CYP39A1: variants seen among roughly 807,000 people sequenced by gnomAD.
CYP39A1 encodes cytochrome P450 family 39 subfamily A member 1.
A neutral mutation model predicts 58.1 loss-of-function variants in CYP39A1; 49 were observed. The ratio of observed to expected loss-of-function variants is 0.84; its 90% CI spans 0.67 to 1.07. CYP39A1 has a LOEUF of 1.07. Ranked by LOEUF, CYP39A1 falls within the 50% of genes least tolerant of loss-of-function variation. The probability of loss-of-function intolerance (pLI) is 0.00; values close to 1 mark genes in which losing one functional copy is unlikely to be tolerated. For missense variants in CYP39A1, 531 were observed against 539.4 expected (o/e 0.98, Z 0.16); for synonymous variants, 209 against 187.6 (o/e 1.11, Z -0.93).
At chr6:46,563,750 G>T (rs114924426) in intron 10 of CYP39A1, among the ~76,000 whole-genome samples, 1,835 of 152,230 alleles carry the variant, frequency 0.012, 32 homozygotes, top group African/African-American at 0.042. Flanking sequence ...TTGAGTGAGA[G>T]CATTCCAGAG....
At chr6:46,648,070 TA>T (rs1367222795) in intron 1 of CYP39A1, among the ~76,000 whole-genome samples, 1 of 152,180 alleles carries the variant, frequency 6.6e-6, no homozygotes, top group East Asian at 1.9e-4. Context: ...GGTGGGACTG[TA>T]AACTAGTTCA....
At chr6:46,583,996 A>G (rs1271448235) in intron 10 of CYP39A1, among the ~76,000 whole-genome samples, 1 of 152,226 alleles carries the variant, frequency 6.6e-6, no homozygotes, top group African/African-American at 2.4e-5. Context: ...CCTGGAACAC[A>G]AATCAAGAAC....
intron 7 of CYP39A1, among the ~76,000 whole-genome samples, chr6:46,620,971 T>C (rs901072019): frequency 6.6e-6 from 1 of 152,272 alleles, no homozygotes; most frequent in East Asian, 1.9e-4. Flanking sequence ...GGGAAGAATC[T>C]AATTTCCAAA....
At chr6:46,595,272 A>G (rs1026111458) in intron 8 of CYP39A1, among the ~76,000 whole-genome samples, 2 of 152,160 alleles carry the variant, frequency 1.3e-5, no homozygotes, top group Admixed American at 1.3e-4. Flanking sequence ...AATTAAAAAT[A>G]GAACTACTAT....
In CYP39A1 at chr6:46,592,096, G is replaced by A. The variant is rs562356228; in HGVS notation, c.1065+3891C>T. Among the ~76,000 whole-genome samples, 200 of 152,190 alleles carry A rather than the reference G, an allele frequency of 1.3e-3. 1 individual carries two copies. The highest frequency in any genetic ancestry group is 4.6e-3 in the African/African-American group (191 of 41,536). Reference sequence around the variant, plus strand: ...GGTAGAAGTTTCAGAGTTTTAGAAAGGTAGCATAATAAAGAGAAAGAAAGA... The same window carrying A: ...GGTAGAAGTTTCAGAGTTTTAGAAAAGTAGCATAATAAAGAGAAAGAAAGA... On this transcript the variant is annotated intron_variant, in intron 8 of 11. Coordinates refer to ENST00000275016, the MANE Select transcript of CYP39A1 (RefSeq NM_016593.5).
chr6:46,564,105 T>TA (rs1355408879), intron 10 of CYP39A1, among the ~76,000 whole-genome samples: 1,630 of 108,338 alleles, frequency 0.015, 78 homozygotes, highest in Admixed American at 0.045. Flanking sequence ...TTTTGTATTT[T>TA]TTTTATTTTA....
intron 10 of CYP39A1, among the ~76,000 whole-genome samples, chr6:46,567,364 C>T (rs1368011127): frequency 6.6e-6 from 1 of 151,812 alleles, no homozygotes; most frequent in Non-Finnish European, 1.5e-5. Flanking sequence ...CTTTTTTATC[C>T]ATTTATCAAT....
rs1230777447 is a variant in CYP39A1 at position 46,587,088 on chromosome 6, C to G, written c.1239G>C (p.Gln413His). ...GCTGTCTCACTGACCTTGCAGGACA[C>G]TGGAACTTCCCGCTTCCAAATGCCA... ...CFMAFGSGKFQCPARWFALLE... is the reference protein window; with the variant it reads ...CFMAFGSGKFHCPARWFALLE... The change falls in exon 10 of 12, where the codon CAG (glutamine) becomes CAC (histidine). Residue 413 changes from glutamine to histidine, a missense_variant. Transcript: ENST00000275016. 1 of 1,611,184 alleles carries G rather than the reference C, an allele frequency of 6.2e-7. No homozygotes were observed. The highest frequency in any genetic ancestry group is 1.1e-5 in the South Asian group (1 of 90,402).
rs73469164 is a variant in CYP39A1 at position 46,618,165 on chromosome 6, C to T, written c.931+7253G>A. 2.4e-3 allele frequency among the ~76,000 whole-genome samples: 365 copies of T among 152,178 alleles called. 3 individuals are homozygous for T. The highest frequency in any genetic ancestry group is 8.3e-3 in the African/African-American group (344 of 41,544). On this transcript the variant is annotated intron_variant, in intron 7 of 11. Transcript: ENST00000275016. ...AGACTTACAAAGCAATTACGATTTGCCAGGTACTACGCTATCTATCTAATT... is the reference window on the plus strand; with the variant it reads ...AGACTTACAAAGCAATTACGATTTGTCAGGTACTACGCTATCTATCTAATT...
At chr6:46,567,515 AT>A (rs1326403565) in intron 10 of CYP39A1, among the ~76,000 whole-genome samples, 7 of 151,810 alleles carry the variant, frequency 4.6e-5, no homozygotes, top group South Asian at 2.1e-4. Context: ...TCATATGGCA[AT>A]TTTTTTTAAA....
chr6:46,586,472 T>A (rs1044842005), intron 10 of CYP39A1: 2 of 976,392 alleles, frequency 2.0e-6, no homozygotes, highest in South Asian at 4.7e-5. Context: ...CTGGCACAGA[T>A]GAGATGTTCA....
chr6:46,574,720 T>TG (rs1245844466), intron 10 of CYP39A1, among the ~76,000 whole-genome samples: 3 of 152,034 alleles, frequency 2.0e-5, no homozygotes, highest in African/African-American at 7.2e-5. Flanking sequence ...GTGCACAGGA[T>TG]GGGGGCTGGA....
intron 4 of CYP39A1, among the ~76,000 whole-genome samples, chr6:46,637,188 C>T (rs1776041526): frequency 6.6e-6 from 1 of 152,164 alleles, no homozygotes; most frequent in Non-Finnish European, 1.5e-5. Context: ...AGACCCCCAG[C>T]CTCCAGGGCA....
At chr6:46,627,139 C>T (rs1380059444) in intron 6 of CYP39A1, among the ~76,000 whole-genome samples, 1 of 152,122 alleles carries the variant, frequency 6.6e-6, no homozygotes, top group African/African-American at 2.4e-5. Flanking sequence ...TGAGAACTCA[C>T]TCACTATCAC....
intron 10 of CYP39A1, among the ~76,000 whole-genome samples, chr6:46,556,795 C>T (rs1389958138): frequency 6.6e-6 from 1 of 152,124 alleles, no homozygotes; most frequent in Non-Finnish European, 1.5e-5. Context: ...ACAACACAAC[C>T]CAGTATCCAT....
chr6:46,590,997 A>G (rs1326780704), intron 8 of CYP39A1, among the ~76,000 whole-genome samples: 4 of 152,166 alleles, frequency 2.6e-5, no homozygotes, highest in Non-Finnish European at 5.9e-5. Context: ...ATTTTTCCAC[A>G]TAGATTCTGT....
chr6:46,622,774 G>T (rs2150568626), intron 7 of CYP39A1, among the ~76,000 whole-genome samples: 1 of 152,180 alleles, frequency 6.6e-6, no homozygotes, highest in Non-Finnish European at 1.5e-5. Flanking sequence ...ATAATGAAAA[G>T]CACCACCCAA....
chr6:46,576,098 G>A (rs78136791), intron 10 of CYP39A1, among the ~76,000 whole-genome samples: 3,209 of 152,222 alleles, frequency 0.021, 122 homozygotes, highest in African/African-American at 0.074. Context: ...CTTCTTACGT[G>A]GCAGGAACAG....
intron 10 of CYP39A1, among the ~76,000 whole-genome samples, chr6:46,581,541 T>C (rs988374325): frequency 6.6e-6 from 1 of 152,142 alleles, no homozygotes; most frequent in African/African-American, 2.4e-5. Context: ...TGAAGATCAT[T>C]ATCCTAAATG....
Sources: gnomAD v4.1 joint callset for allele counts (sites outside exome capture counted in the v4.1 genomes callset) on GRCh38, gnomAD v4.1.1 for gene constraint, MANE v1.5 for transcripts, NCBI Gene and HGNC (gene_info 2026-07-23, HGNC 2026-07-21) for gene names.